The following DOCK9 variants were observed in gnomAD, a reference collection of about 807,000 sequenced individuals.
DOCK9 encodes dedicator of cytokinesis 9.
DOCK9 carries 89 observed loss-of-function variants against 263.3 expected under a neutral mutation model. That is an observed-to-expected ratio of 0.34 (90% confidence interval 0.28 to 0.40). The LOEUF (loss-of-function observed/expected upper bound fraction) is 0.40, where lower values mean the gene tolerates loss of function less well. DOCK9 is among the 10% of genes least tolerant of loss of function. DOCK9 has a pLI of 1.00. For synonymous variants in DOCK9, 976 were observed against 973.1 expected (o/e 1.00, Z -0.06); for missense variants, 2,140 against 2,603.4 (o/e 0.82, Z 3.87).
At chr13:98,942,460 G>T (rs981483374) in intron 2 of DOCK9, among the ~76,000 whole-genome samples, 1 of 151,976 alleles carries the variant, frequency 6.6e-6, no homozygotes, top group Non-Finnish European at 1.5e-5. Flanking sequence ...GGATGGTCTC[G>T]ATCTCCTGAC....
chr13:98,917,593 A>C (rs1259918508), intron 7 of DOCK9, among the ~76,000 whole-genome samples: 3 of 151,296 alleles, frequency 2.0e-5, no homozygotes, highest in Non-Finnish European at 4.4e-5. Flanking sequence ...GTGGTGCTAC[A>C]GTCTTGAACG....
chr13:99,045,494 G>A (rs746382200), intron 1 of DOCK9, among the ~76,000 whole-genome samples: 3 of 152,172 alleles, frequency 2.0e-5, no homozygotes, highest in Non-Finnish European at 4.4e-5. Flanking sequence ...GTGGTTACCA[G>A]GGGCTGGGGG....
intron 1 of DOCK9, among the ~76,000 whole-genome samples, chr13:98,987,804 A>G (rs1257965650): frequency 2.0e-5 from 3 of 152,246 alleles, no homozygotes; most frequent in African/African-American, 4.8e-5. Flanking sequence ...ACTGGTAAAT[A>G]ATAGATCCAA....
chr13:98,963,353 G>A (rs1422971405), intron 1 of DOCK9, among the ~76,000 whole-genome samples: 1 of 152,206 alleles, frequency 6.6e-6, no homozygotes, highest in Non-Finnish European at 1.5e-5. Flanking sequence ...TTAGTGCCAG[G>A]AAAATGAGAT....
At position 98,825,834 on chromosome 13, in the gene DOCK9, AG is replaced by A; in HGVS notation, c.5023+995del. ...CCACGGGAGGGCACGTGACCAGGGCAGGGGGTCCCCGGGGGCTGGGCTGATC... is the reference window on the plus strand; with the variant it reads ...CCACGGGAGGGCACGTGACCAGGGCAGGGGTCCCCGGGGGCTGGGCTGATC... On this transcript the variant is annotated intron_variant, in intron 44 of 52. Coordinates refer to ENST00000682017, the MANE Select transcript of DOCK9 (RefSeq NM_001366683.2). This position sits in a 1 kb window ranked among gnomAD's most constrained non-coding sequence, Gnocchi z 4.1. 3 of 1,423,022 alleles carry A rather than the reference AG, an allele frequency of 2.1e-6. No individual in the cohort carries two copies. Among genetic ancestry groups the A allele is most frequent in the South Asian group, 1.5e-5 (1 of 65,452 alleles). The allele number at this position is 1,423,022 out of a possible 1,614,324, so 88.1% of individuals were successfully genotyped here.
At chr13:99,063,580 C>T (rs965242410) in intron 1 of DOCK9, among the ~76,000 whole-genome samples, 5 of 152,226 alleles carry the variant, frequency 3.3e-5, no homozygotes, top group Non-Finnish European at 5.9e-5. Context: ...GAACATCCTC[C>T]AACTACCATC....
intron 27 of DOCK9, among the ~76,000 whole-genome samples, chr13:98,873,713 G>T (rs537435531): frequency 2.6e-5 from 4 of 152,342 alleles, no homozygotes; most frequent in East Asian, 3.9e-4. Flanking sequence ...CAAGATGGAG[G>T]CCTCTCATAA....
chr13:98,862,860 G>C (rs1250628842), intron 32 of DOCK9, among the ~76,000 whole-genome samples, 159 bp downstream of exon 32: 1 of 152,154 alleles, frequency 6.6e-6, no homozygotes, highest in African/African-American at 2.4e-5. Context: ...TGAGCCTCCA[G>C]TAGGAACCAA....
intron 50 of DOCK9, among the ~76,000 whole-genome samples, chr13:98,798,892 T>G (rs964856810): frequency 6.6e-6 from 1 of 152,218 alleles, no homozygotes; most frequent in Non-Finnish European, 1.5e-5. Flanking sequence ...GCAGGGCATA[T>G]TTTGCCTTTT....
chr13:99,007,191 C>T (rs1883495044), intron 1 of DOCK9, among the ~76,000 whole-genome samples: 1 of 151,878 alleles, frequency 6.6e-6, no homozygotes. Flanking sequence ...AGATCAAGAC[C>T]ATCCTGGCCA....
chr13:99,039,767 TTATACC>T (rs1316989743), intron 1 of DOCK9, among the ~76,000 whole-genome samples: 1 of 152,176 alleles, frequency 6.6e-6, no homozygotes, highest in Non-Finnish European at 1.5e-5. Context: ...CTGAGTACCA[TTATACC>T]TTGAACACAA....
At chr13:98,945,793 C>T (rs1393720617) in intron 2 of DOCK9, among the ~76,000 whole-genome samples, 1 of 152,144 alleles carries the variant, frequency 6.6e-6, no homozygotes, top group African/African-American at 2.4e-5. Flanking sequence ...AAACTAAGAT[C>T]CCTGCCTCCT....
At chr13:98,815,244 C>G (rs2091740036) in intron 45 of DOCK9, among the ~76,000 whole-genome samples, 1 of 152,068 alleles carries the variant, frequency 6.6e-6, no homozygotes, top group African/African-American at 2.4e-5. Flanking sequence ...TATCTTGACT[C>G]TCAGTGGTGT....
At chr13:98,960,870 G>A (rs1344282488) in intron 1 of DOCK9, among the ~76,000 whole-genome samples, 14 of 152,218 alleles carry the variant, frequency 9.2e-5, no homozygotes. Flanking sequence ...GGAGGAAGAA[G>A]AAACAAGGCC....
chr13:99,077,091 G>A (rs940558413), intron 1 of DOCK9, among the ~76,000 whole-genome samples: 4 of 152,178 alleles, frequency 2.6e-5, no homozygotes, highest in African/African-American at 9.7e-5. Context: ...TGTCTGATAA[G>A]GAGAGAGCCT....
chr13:98,886,417 T>C, intron 19 of DOCK9, 115 bp downstream of exon 19: 1 of 686,526 alleles, frequency 1.5e-6, no homozygotes, highest in African/African-American at 1.8e-5. Context: ...CAGTTCTAGC[T>C]CTGTAATTTC....
chr13:98,911,118 C>T (rs1046794423), intron 9 of DOCK9, among the ~76,000 whole-genome samples: 2 of 152,190 alleles, frequency 1.3e-5, no homozygotes, highest in Non-Finnish European at 2.9e-5. Flanking sequence ...AGGCAAAGCC[C>T]ACAGATACCC....
chr13:99,044,427 A>C (rs1888760772), intron 1 of DOCK9, among the ~76,000 whole-genome samples: 1 of 152,190 alleles, frequency 6.6e-6, no homozygotes, highest in South Asian at 2.1e-4. Flanking sequence ...CCTATAGCTG[A>C]AGTATTTCAG....
At chr13:99,064,534 T>C (rs1047615831) in intron 1 of DOCK9, among the ~76,000 whole-genome samples, 7 of 152,154 alleles carry the variant, frequency 4.6e-5, no homozygotes, top group African/African-American at 1.2e-4. Context: ...GGGGCCCCCA[T>C]TGCACATTTA....
Sources: gnomAD v4.1 joint callset for allele counts (sites outside exome capture counted in the v4.1 genomes callset) on GRCh38, gnomAD v4.1.1 for gene constraint, Gnocchi (gnomAD v3.1) non-coding constraint, MANE v1.5 for transcripts, NCBI Gene and HGNC (gene_info 2026-07-23, HGNC 2026-07-21) for gene names.